The following MYH16 variants were observed in gnomAD, a reference collection of about 807,000 sequenced individuals.
The protein encoded by MYH16 is myosin heavy chain 16.
chr7:99,251,905 C>A (rs1791812263), intron 6 of MYH16, among the ~76,000 whole-genome samples: 1 of 152,092 alleles, frequency 6.6e-6, no homozygotes, highest in Non-Finnish European at 1.5e-5. Context: ...CCCAGGAAGT[C>A]AAGGTTGCAA....
intron 29 of MYH16, among the ~76,000 whole-genome samples, 180 bp from the exon 11 acceptor site, chr7:99,289,107 C>T (rs555691948): frequency 1.3e-4 from 18 of 137,800 alleles, no homozygotes; most frequent in Non-Finnish European, 2.7e-4. Context: ...GAGTGATACC[C>T]TGTCTCAAAA....
chr7:99,260,418 T>C, intron 12 of MYH16: 1 of 594,492 alleles, frequency 1.7e-6, no homozygotes, highest in South Asian at 1.8e-5. Flanking sequence ...GGCACTTGGC[T>C]TCAGGGGAGT....
chr7:99,252,104 G>C (rs1584341791), intron 6 of MYH16, among the ~76,000 whole-genome samples: 1 of 152,344 alleles, frequency 6.6e-6, no homozygotes, highest in East Asian at 1.9e-4. Flanking sequence ...TGGGGAGACA[G>C]ATTCACAGCA....
intron 21 of MYH16, among the ~76,000 whole-genome samples, chr7:99,278,218 C>T (rs187807772): frequency 5.4e-4 from 82 of 152,256 alleles, no homozygotes; most frequent in African/African-American, 8.4e-4. Context: ...GCTGGGATTA[C>T]AGGTGTAAGC....
downstream of MYH16, among the ~76,000 whole-genome samples, chr7:99,307,250 T>G (rs1184089555): frequency 6.6e-6 from 1 of 152,138 alleles, no homozygotes; most frequent in Admixed American, 6.6e-5. Context: ...TCACTGGAGA[T>G]TTCATCAATC....
downstream of MYH16, among the ~76,000 whole-genome samples, chr7:99,308,352 G>A (rs1252120060): frequency 1.3e-5 from 2 of 150,818 alleles, no homozygotes; most frequent in Non-Finnish European, 2.9e-5. Context: ...CTTGATCCCC[G>A]GGGAGTAGCC....
intron 2 of MYH16, among the ~76,000 whole-genome samples, chr7:99,247,255 C>G (rs1163210373): frequency 6.6e-6 from 1 of 152,206 alleles, no homozygotes; most frequent in Non-Finnish European, 1.5e-5. Flanking sequence ...TCACTGCAAC[C>G]TCTGCCTTCC....
At chr7:99,296,734 C>T (rs943371124) in exon 34 of MYH16, 2 of 456,206 alleles carry the variant, frequency 4.4e-6, no homozygotes, top group Admixed American at 4.7e-5. Context: ...GGACAAGAAG[C>T]AGAGGCTCTT....
At chr7:99,299,935 A>ATTTT (rs1198563083) in intron 37 of MYH16, among the ~76,000 whole-genome samples, 1 of 113,736 alleles carries the variant, frequency 8.8e-6, no homozygotes, top group African/African-American at 4.0e-5. Context: ...TATTTTATTT[A>ATTTT]TTTATTTATT....
rs1311893757 is a variant in MYH16, at chr7:99,297,801, C to T, written n.4636+5C>T. On this transcript the variant is annotated splice_donor_5th_base_variant and intron_variant and non_coding_transcript_variant, in intron 35 of 41. Transcript: ENST00000439784. Reference sequence around the variant, plus strand: ...GAAGCTGAGTCTTCCCTGGAGGTAACCATGGGGTCATCACCTTGGGGACTG... The same window carrying T: ...GAAGCTGAGTCTTCCCTGGAGGTAATCATGGGGTCATCACCTTGGGGACTG... 8 of 456,552 alleles carry T rather than the reference C, an allele frequency of 1.8e-5. No individual in the cohort carries two copies. Among genetic ancestry groups the T allele is most frequent in the African/African-American group, 4.0e-5 (2 of 50,068 alleles). 28.3% of individuals were successfully genotyped at this position (456,552 alleles called of 1,614,324 possible). A position where few individuals can be genotyped will look rare whatever the true frequency, so the allele number is the denominator to read the frequency against.
intron 37 of MYH16, among the ~76,000 whole-genome samples, chr7:99,300,764 C>T (rs912527038): frequency 4.6e-5 from 7 of 152,088 alleles, no homozygotes; most frequent in African/African-American, 1.7e-4. Flanking sequence ...TGTGACTACA[C>T]CACTGCACTC....
chr7:99,288,187 C>T (rs1050607717), intron 29 of MYH16, 50 bp downstream of exon 10: 1 of 447,836 alleles, frequency 2.2e-6, no homozygotes, highest in Admixed American at 2.4e-5. Flanking sequence ...CCTGTAATCC[C>T]AGCACTTTGG....
At position 99,298,527 on chromosome 7, in the gene MYH16, C is replaced by T. The variant is rs576419267; in HGVS notation, n.4740+532C>T. On this transcript the variant is annotated intron_variant and non_coding_transcript_variant, in intron 36 of 41. Transcript: ENST00000439784. ...GGATTACAGGCATGAGCCATCGTGC[C>T]CGGCCTATGAACACTTTAGATGTAG... 3.3e-5 allele frequency among the ~76,000 whole-genome samples: 5 copies of T among 152,278 alleles called. No individual in the cohort carries two copies. In the South Asian group the frequency reaches 1.0e-3, roughly 32 times the overall value.
At chr7:99,297,796 G>A (rs1459650201) in exon 35 of MYH16, 1 of 456,702 alleles carries the variant, frequency 2.2e-6, no homozygotes, top group Non-Finnish European at 4.4e-6. Flanking sequence ...CTTCCCTGGA[G>A]GTAACCATGG....
chr7:99,279,309 T>C (rs1214519746), intron 21 of MYH16, among the ~76,000 whole-genome samples: 1 of 140,656 alleles, frequency 7.1e-6, no homozygotes, highest in Non-Finnish European at 1.5e-5. Context: ...CAGTGAGCTG[T>C]GATCACACTA....
chr7:99,297,172 C>T (rs1792512937), intron 34 of MYH16, among the ~76,000 whole-genome samples: 1 of 152,144 alleles, frequency 6.6e-6, no homozygotes, highest in Non-Finnish European at 1.5e-5. Flanking sequence ...TAGCTCATGC[C>T]TGTAATCCCA....
chr7:99,296,869 T>C (rs1408563470), exon 34 of MYH16: 1 of 456,508 alleles, frequency 2.2e-6, no homozygotes, highest in South Asian at 1.6e-5. Flanking sequence ...CTACGAGGAG[T>C]CTCTGGAGCA....
At chr7:99,258,739 A>G (rs1791902405) in intron 11 of MYH16, among the ~76,000 whole-genome samples, 1 of 151,970 alleles carries the variant, frequency 6.6e-6, no homozygotes. Context: ...TTGAATATTT[A>G]CACCATGGAC....
intron 17 of MYH16, chr7:99,266,807 G>A (rs565517811): frequency 3.3e-5 from 5 of 152,668 alleles, no homozygotes; most frequent in Non-Finnish European, 5.9e-5. Context: ...TTTATGTGCT[G>A]TCAGCTTGGG....
Sources: allele counts gnomAD v4.1 joint callset (sites outside exome capture counted in the v4.1 genomes callset), GRCh38; gene constraint gnomAD v4.1.1; transcripts MANE v1.5; gene names NCBI Gene and HGNC (gene_info 2026-07-23, HGNC 2026-07-21).